The following NOS1 variants were observed in gnomAD, a reference collection of about 807,000 sequenced individuals.
NOS1 encodes the protein nitric oxide synthase 1.
Under a neutral mutation model 164.5 loss-of-function variants are expected in NOS1, and 51 were observed. The observed-to-expected ratio is 0.31, with a 90% CI of 0.25 to 0.39. The LOEUF is 0.39. NOS1 is among the 10% of genes least tolerant of loss of function. The pLI is 1.00. For missense variants in NOS1, 1,362 were observed against 1,885.6 expected (o/e 0.72, Z 5.14); for synonymous variants, 719 against 745.8 (o/e 0.96, Z 0.59).
At chr12:117,351,090 G>T (rs1044877496) in intron 1 of NOS1, among the ~76,000 whole-genome samples, 5 of 151,614 alleles carry the variant, frequency 3.3e-5, no homozygotes, top group Non-Finnish European at 5.9e-5. Flanking sequence ...CTCCAGCCTG[G>T]GCGACAGAGC....
rs955592617 is a variant in NOS1 at position 117,215,038 on chromosome 12, T to G, written c.*271A>C. 3 of 1,188,362 alleles carry G rather than the reference T, an allele frequency of 2.5e-6. No homozygotes were observed. Among genetic ancestry groups the G allele is most frequent in the South Asian group, 4.3e-5 (1 of 23,152 alleles). 73.6% of individuals were successfully genotyped at this position (1,188,362 alleles called of 1,614,324 possible). On this transcript the variant is annotated 3_prime_UTR_variant, in exon 29 of 29. Transcript: ENST00000317775. ...TCCAGTGGTTTCATGCACCCGTGAG[T>G]TGCCCTTGTCGGCAAGAGAGGGAGT...
intron 9 of NOS1, among the ~76,000 whole-genome samples, chr12:117,273,461 T>G (rs1472947068): frequency 6.6e-6 from 1 of 152,086 alleles, no homozygotes; most frequent in African/African-American, 2.4e-5. Context: ...TATCCTTGGG[T>G]GTAAAATTTA....
chr12:117,252,501 T>C (rs1489674719), intron 17 of NOS1, among the ~76,000 whole-genome samples: 1 of 152,222 alleles, frequency 6.6e-6, no homozygotes, highest in African/African-American at 2.4e-5. Context: ...AAAGTACTGA[T>C]GTCAAAACCT....
chr12:117,305,048 C>A, intron 3 of NOS1: 1 of 985,448 alleles, frequency 1.0e-6, no homozygotes, highest in Non-Finnish European at 1.2e-6. Context: ...CAACCCCCAC[C>A]TATCCCTTCC....
intron 3 of NOS1, among the ~76,000 whole-genome samples, chr12:117,297,923 C>T (rs1873536104): frequency 6.6e-6 from 1 of 152,112 alleles, no homozygotes; most frequent in Non-Finnish European, 1.5e-5. Flanking sequence ...GCCTCCAAGA[C>T]ATACAACATC....
intron 26 of NOS1, 63 bp from the exon 27 acceptor site, chr12:117,220,332 G>GT: frequency 6.7e-7 from 1 of 1,481,822 alleles, no homozygotes. Flanking sequence ...CATAGCCCAT[G>GT]TCTGCCCAGG....
At chr12:117,232,252 G>T in intron 21 of NOS1, 121 bp from the exon 22 acceptor site, 2 of 812,162 alleles carry the variant, frequency 2.5e-6, no homozygotes, top group African/African-American at 1.7e-5. Flanking sequence ...CCAGAGCCAA[G>T]CAACCTTCTA....
At chr12:117,229,134 C>T (rs192077958) in intron 22 of NOS1, among the ~76,000 whole-genome samples, 1 of 152,342 alleles carries the variant, frequency 6.6e-6, no homozygotes, top group African/African-American at 2.4e-5. Flanking sequence ...CTTCTCAGAC[C>T]TCCAGCCTGA....
intron 4 of NOS1, 103 bp downstream of exon 4, chr12:117,290,195 C>T: frequency 7.0e-7 from 1 of 1,430,182 alleles, no homozygotes; most frequent in Admixed American, 2.0e-5. Flanking sequence ...TGCTCAACAC[C>T]CTACAACAGA....
At chr12:117,282,216 GAA>G (rs879655686) in intron 7 of NOS1, among the ~76,000 whole-genome samples, 1 of 141,354 alleles carries the variant, frequency 7.1e-6, no homozygotes, top group African/African-American at 2.6e-5. Flanking sequence ...ATCAGGATTG[GAA>G]AAAAAAAAAA....
intron 10 of NOS1, among the ~76,000 whole-genome samples, chr12:117,269,506 C>A (rs1163759520): frequency 8.1e-6 from 1 of 122,912 alleles, no homozygotes; most frequent in African/African-American, 3.2e-5. Flanking sequence ...CTCACTCTGT[C>A]GCCAGGCTGG....
At chr12:117,337,931 T>C (rs1875914791) in intron 1 of NOS1, among the ~76,000 whole-genome samples, 1 of 151,676 alleles carries the variant, frequency 6.6e-6, no homozygotes, top group Admixed American at 6.6e-5. Context: ...ACACAAAAAT[T>C]TGGACAGGCG....
At chr12:117,255,215 T>C in intron 16 of NOS1, among the ~76,000 whole-genome samples, 1 of 151,996 alleles carries the variant, frequency 6.6e-6, no homozygotes, top group East Asian at 1.9e-4. Context: ...ATCCAATTTC[T>C]CCGTTTTCCT....
chr12:117,297,611 C>T (rs973668241), intron 3 of NOS1, among the ~76,000 whole-genome samples: 7 of 151,910 alleles, frequency 4.6e-5, no homozygotes, highest in South Asian at 2.1e-4. Flanking sequence ...GGGCTGATCT[C>T]GAACTCCCGA....
chr12:117,235,780 C>T (rs1412913241), intron 20 of NOS1, among the ~76,000 whole-genome samples: 5 of 152,174 alleles, frequency 3.3e-5, no homozygotes, highest in African/African-American at 7.2e-5. Context: ...CGGTGGCTCA[C>T]GCCTGTAATC....
chr12:117,340,753 C>A (rs964394538), intron 1 of NOS1, among the ~76,000 whole-genome samples: 2 of 150,726 alleles, frequency 1.3e-5, no homozygotes, highest in Admixed American at 1.3e-4. Context: ...GAGACGTAAT[C>A]TTGCTCTGTT....
At chr12:117,307,079 G>C (rs1378440120) in intron 3 of NOS1, among the ~76,000 whole-genome samples, 1 of 152,192 alleles carries the variant, frequency 6.6e-6, no homozygotes, top group African/African-American at 2.4e-5. Context: ...AACTAAGGTG[G>C]GCAGTGTGCA....
rs1875860781 is a variant in NOS1, at chr12:117,337,104, CTCTTTTTTTTTTTTTT to C, written c.-420-5631_-420-5616del. Among the ~76,000 whole-genome samples, 14 of 94,126 alleles carry C rather than the reference CTCTTTTTTTTTTTTTT, an allele frequency of 1.5e-4. No homozygotes were observed. The South Asian group carries it at 5.5e-3, about 37-fold the overall frequency. The allele number at this position is 94,126 out of a possible 152,430, so 61.8% of individuals were successfully genotyped here. ...AGCCACTGTACCCAGCTGCTTTTTA[CTCTTTTTTTTTTTTTT>C]TTTTTTTTTTTTTGAGACGGAGTCT... On this transcript the variant is annotated intron_variant, in intron 1 of 28. Transcript: ENST00000317775.
chr12:117,290,724 G>T (rs1344078492), intron 3 of NOS1, among the ~76,000 whole-genome samples: 1 of 152,116 alleles, frequency 6.6e-6, no homozygotes, highest in Non-Finnish European at 1.5e-5. Context: ...GACACACTGA[G>T]GAAGGACTCG....
Sources: gnomAD v4.1 joint callset for allele counts (sites outside exome capture counted in the v4.1 genomes callset) on GRCh38, gnomAD v4.1.1 for gene constraint, MANE v1.5 for transcripts, NCBI Gene and HGNC (gene_info 2026-07-23, HGNC 2026-07-21) for gene names.